Variants in ABCA13 observed in about 807,000 individuals in gnomAD.
The protein encoded by ABCA13 is ATP-binding cassette sub-family A member 13.
Under a neutral mutation model 478.7 loss-of-function variants are expected in ABCA13, and 476 were observed. The ratio of observed to expected loss-of-function variants is 0.99; its 90% confidence interval spans 0.92 to 1.07. ABCA13 has a LOEUF of 1.07. Among genes scored for constraint, ABCA13 ranks in the 50% least tolerant of loss-of-function variants. The probability of loss-of-function intolerance (pLI) is 0.00; values close to 1 mark genes in which losing one functional copy is unlikely to be tolerated. For synonymous variants in ABCA13, 2,252 were observed against 2,158.9 expected (o/e 1.04, Z -1.20); for missense variants, 6,060 against 5,910.6 (o/e 1.03, Z -0.83).
chr7:48,279,924 A>G lies in ABCA13; in HGVS notation c.8726+4A>G, dbSNP rs1191882023. Reference sequence around the variant, plus strand: ...AAATCCCACTAACAGATCAAAGGTAATTAAAAAGCTGAATTCACTTTGTTT... The same window carrying G: ...AAATCCCACTAACAGATCAAAGGTAGTTAAAAAGCTGAATTCACTTTGTTT... On this transcript the variant is annotated splice_donor_region_variant and intron_variant, in intron 18 of 61. Transcript: ENST00000435803. 2.0e-6 allele frequency: 3 copies of G among 1,504,322 alleles called. No individual in the cohort carries two copies. The highest frequency in any genetic ancestry group is 2.7e-6 in the Non-Finnish European group (3 of 1,129,768). 93.2% of individuals were successfully genotyped at this position (1,504,322 alleles called of 1,614,324 possible).
chr7:48,369,566 G>A (rs1410556495), intron 32 of ABCA13, among the ~76,000 whole-genome samples: 3 of 152,100 alleles, frequency 2.0e-5, no homozygotes, highest in Admixed American at 1.3e-4. Context: ...GTTGATTTTT[G>A]TATAAGGTGA....
intron 15 of ABCA13, among the ~76,000 whole-genome samples, chr7:48,262,159 C>G (rs990234778): frequency 4.6e-5 from 7 of 152,026 alleles, no homozygotes; most frequent in African/African-American, 1.7e-4. Context: ...TTAAATTAAT[C>G]CCCACTATTT....
At chr7:48,553,670 C>G (rs1785524413) in intron 55 of ABCA13, among the ~76,000 whole-genome samples, 1 of 151,840 alleles carries the variant, frequency 6.6e-6, no homozygotes, top group Non-Finnish European at 1.5e-5. Context: ...TAGATTTTTC[C>G]TGTATATCTG....
chr7:48,439,245 GCTTGTTTAGGT>G (rs1188999307), intron 42 of ABCA13, among the ~76,000 whole-genome samples: 2 of 152,118 alleles, frequency 1.3e-5, no homozygotes, highest in African/African-American at 2.4e-5. Flanking sequence ...TCTCTTCCAA[GCTTGTTTAGGT>G]CTTTGGCAGA....
At chr7:48,468,931 TA>T (rs1375298359) in intron 44 of ABCA13, among the ~76,000 whole-genome samples, 3 of 152,246 alleles carry the variant, frequency 2.0e-5, no homozygotes, top group Non-Finnish European at 4.4e-5. Context: ...AGGTGATGCA[TA>T]ATTTAAAATT....
chr7:48,453,516 T>C (rs937375503), intron 42 of ABCA13, among the ~76,000 whole-genome samples: 2 of 152,216 alleles, frequency 1.3e-5, no homozygotes, highest in Non-Finnish European at 2.9e-5. Flanking sequence ...TCTTGGTTTC[T>C]GATCACTTTT....
intron 58 of ABCA13, among the ~76,000 whole-genome samples, chr7:48,599,773 C>T (rs529257190): frequency 3.3e-5 from 5 of 152,230 alleles, no homozygotes; most frequent in Admixed American, 6.5e-5. Flanking sequence ...TGTTCCTCTC[C>T]CCCATCCCCC....
At chr7:48,386,841 C>CA (rs1463220435) in intron 35 of ABCA13, among the ~76,000 whole-genome samples, 1 of 152,122 alleles carries the variant, frequency 6.6e-6, no homozygotes, top group Non-Finnish European at 1.5e-5. Context: ...GATTTCATGA[C>CA]AAAGATGCCA....
At chr7:48,313,296 T>C in intron 25 of ABCA13, 65 bp downstream of exon 25, 1 of 1,494,884 alleles carries the variant, frequency 6.7e-7, no homozygotes. Flanking sequence ...ATTTGCCCCT[T>C]TTTGCCTTTA....
rs1402223215 is a variant in ABCA13 at position 48,644,670 on chromosome 7, A to G, written c.14997A>G (p.Leu4999=). The change falls in exon 61 of 62, where the codon CTA becomes CTG. Residue 4999 remains leucine, a synonymous_variant. Transcript: ENST00000435803. ...EYHVPKRWGC[L]ADLFKVIENN... ...ATGTGCCAAAAAGATGGGGATGCCTAGCTGACTTGTTCAAAGTTATAGAGA... is the reference window on the plus strand; with the variant it reads ...ATGTGCCAAAAAGATGGGGATGCCTGGCTGACTTGTTCAAAGTTATAGAGA... 1.9e-6 allele frequency: 3 copies of G among 1,610,530 alleles called. No homozygotes were observed. Among genetic ancestry groups the G allele is most frequent in the South Asian group, 1.1e-5 (1 of 90,772 alleles).
Position 48,531,729 on chromosome 7 carries a change from TA to T in ABCA13, c.14354+3386del, listed in dbSNP as rs201349924. Among the ~76,000 whole-genome samples the T allele has an allele frequency of 6.2e-3, 755 of 122,348 alleles. 5 individuals are homozygous for T. Among genetic ancestry groups the T allele is most frequent in the African/African-American group, 0.025 (714 of 28,812 alleles). 80.3% of individuals were successfully genotyped at this position (122,348 alleles called of 152,430 possible). A position where few individuals can be genotyped will look rare whatever the true frequency, so the allele number is the denominator to read the frequency against. ...TCACCTCCTTGTTTAGGTATATTCC[TA>T]ATTTTTTTTTTTTTTTTTTTTTTGC... On this transcript the variant is annotated intron_variant, in intron 55 of 61. Transcript: ENST00000435803.
intron 17 of ABCA13, among the ~76,000 whole-genome samples, chr7:48,276,953 A>G (rs1416674074): frequency 6.6e-6 from 1 of 152,228 alleles, no homozygotes; most frequent in African/African-American, 2.4e-5. Context: ...AGTATTCTCA[A>G]CCCAATGAAT....
intron 58 of ABCA13, among the ~76,000 whole-genome samples, chr7:48,614,387 A>G (rs566448812): frequency 6.6e-6 from 1 of 151,526 alleles, no homozygotes; most frequent in South Asian, 2.1e-4. Flanking sequence ...AGGAAACAAC[A>G]GGTGCTGGAG....
At chr7:48,539,660 CT>C (rs2131118502) in intron 55 of ABCA13, among the ~76,000 whole-genome samples, 1 of 152,302 alleles carries the variant, frequency 6.6e-6, no homozygotes, top group South Asian at 2.1e-4. Flanking sequence ...TTAGTTATCT[CT>C]TTTACTTCTT....
At chr7:48,221,258 C>T (rs1442445170) in intron 4 of ABCA13, 23 bp from the exon 5 acceptor site, 1 of 1,091,266 alleles carries the variant, frequency 9.2e-7, no homozygotes, top group Non-Finnish European at 1.3e-6. Flanking sequence ...GAACTAATAT[C>T]TCTTAAACCT....
chr7:48,550,656 T>C (rs1289543735), intron 55 of ABCA13, among the ~76,000 whole-genome samples: 1 of 151,840 alleles, frequency 6.6e-6, no homozygotes, highest in East Asian at 1.9e-4. Flanking sequence ...ACTGGCTGAA[T>C]AATACTGTGA....
Position 48,595,453 on chromosome 7 carries a change from A to T in ABCA13, c.14744+640A>T, listed in dbSNP as rs576149539. On this transcript the variant is annotated intron_variant, in intron 58 of 61. Coordinates refer to ENST00000435803, the MANE Select transcript of ABCA13 (RefSeq NM_152701.5). ...TAGACTTGTTTTGTCTTTATGTTTA[A>T]GTAAAATATACTGTGAATAAGATGT... 2.0e-5 allele frequency among the ~76,000 whole-genome samples: 3 copies of T among 152,352 alleles called. No homozygotes were observed. In the South Asian group the frequency reaches 6.2e-4, roughly 32 times the overall value.
chr7:48,643,237 A>G lies in ABCA13; in HGVS notation c.14838-51A>G, dbSNP rs139407341. ...GTGAAAATGGACTTAGAATTTACTC[A>G]TCTTAGGTCAATATGATAATAATCA... On this transcript the variant is annotated intron_variant, in intron 59 of 61. Coordinates refer to ENST00000435803, the MANE Select transcript of ABCA13 (RefSeq NM_152701.5). The G allele has an allele frequency of 1.2e-3, 1,466 of 1,214,102 alleles. 25 individuals carry two copies. In the Admixed American group the frequency reaches 0.017, roughly 14 times the overall value. 75.2% of individuals were successfully genotyped at this position (1,214,102 alleles called of 1,614,324 possible).
At chr7:48,557,973 G>A (rs56088216) in intron 55 of ABCA13, among the ~76,000 whole-genome samples, 2,564 of 151,828 alleles carry the variant, frequency 0.017, 63 homozygotes, top group African/African-American at 0.058. Context: ...TCTTATATGC[G>A]TGCTTCATTC....
Sources: allele counts gnomAD v4.1 joint callset (sites outside exome capture counted in the v4.1 genomes callset), GRCh38; gene constraint gnomAD v4.1.1; transcripts MANE v1.5; gene names NCBI Gene and HGNC (gene_info 2026-07-23, HGNC 2026-07-21).